TNFRSF1B: variants seen among roughly 807,000 people sequenced by gnomAD.
TNFRSF1B encodes the protein TNF receptor superfamily member 1B.
In TNFRSF1B, 19 loss-of-function variants were observed where a neutral mutation model predicts 44.6. The observed-to-expected ratio is 0.43, with a 90% confidence interval of 0.30 to 0.62. The LOEUF is 0.62. Ranked by LOEUF, TNFRSF1B falls within the 20% of genes least tolerant of loss-of-function variation. TNFRSF1B has a pLI of 0.16. For missense variants in TNFRSF1B, 541 were observed against 619.9 expected (o/e 0.87, Z 1.35); for synonymous variants, 252 against 261.1 (o/e 0.97, Z 0.34).
At position 12,183,492 on chromosome 1, in the gene TNFRSF1B, A is replaced by G. The variant is rs546259422; in HGVS notation, c.79-5304A>G. Among the ~76,000 whole-genome samples the G allele has an allele frequency of 8.0e-5, 12 of 150,738 alleles. No individual in the cohort carries two copies. In the East Asian group the frequency reaches 2.0e-3, roughly 25 times the overall value. ...TCTCTCTATGTATATATGTATAGCT[A>G]TCTATTGATATTTTCTATCATCCAT... is the stretch of plus-strand genomic sequence containing the variant. On this transcript the variant is annotated intron_variant, in intron 1 of 9. Transcript: ENST00000376259.
Position 12,191,052 on chromosome 1 carries a change from G to A in TNFRSF1B, c.274G>A (p.Glu92Lys). The A allele has an allele frequency of 1.2e-6, 2 of 1,614,178 alleles. No individual in the cohort carries two copies. The highest frequency in any genetic ancestry group is 2.2e-5 in the East Asian group (1 of 44,884). The change falls in exon 3 of 10, where the codon GAG (glutamate) becomes AAG (lysine). Residue 92 changes from glutamate to lysine, a missense_variant. Physicochemically the swap from Glu to Lys is moderately conservative, Grantham distance 56. Coordinates refer to ENST00000376259, the MANE Select transcript of TNFRSF1B (RefSeq NM_001066.3). The stretch of plus-strand genomic sequence containing the variant: ...CACCCAGCTCTGGAACTGGGTTCCC[G>A]AGTGCTTGAGCTGTGGCTCCCGCTG... ...TYTQLWNWVPECLSCGSRCSS... is the reference protein window; with the variant it reads ...TYTQLWNWVPKCLSCGSRCSS...
At chr1:12,175,149 C>G (rs1184347130) in intron 1 of TNFRSF1B, among the ~76,000 whole-genome samples, 1 of 152,170 alleles carries the variant, frequency 6.6e-6, no homozygotes, top group African/African-American at 2.4e-5. Flanking sequence ...AGCGGGAGGC[C>G]TTCTTGAAGG....
intron 1 of TNFRSF1B, among the ~76,000 whole-genome samples, chr1:12,167,922 T>C (rs1638432389): frequency 1.3e-5 from 2 of 152,170 alleles, no homozygotes; most frequent in African/African-American, 4.8e-5. Flanking sequence ...AATATGAACG[T>C]CACTCCCACA....
chr1:12,192,036 G>A, intron 4 of TNFRSF1B, 113 bp downstream of exon 4: 1 of 1,401,034 alleles, frequency 7.1e-7, no homozygotes, highest in East Asian at 2.4e-5. Flanking sequence ...AGCACTGTTA[G>A]TGGTGGCCAG....
intron 1 of TNFRSF1B, among the ~76,000 whole-genome samples, chr1:12,176,324 C>A (rs535763578): frequency 4.6e-5 from 7 of 152,194 alleles, no homozygotes; most frequent in South Asian, 4.1e-4. Flanking sequence ...ACAGTGACAG[C>A]AGCACACGAG....
chr1:12,195,376 G>C (rs1414519980), intron 8 of TNFRSF1B, among the ~76,000 whole-genome samples: 1 of 152,194 alleles, frequency 6.6e-6, no homozygotes, highest in African/African-American at 2.4e-5. Flanking sequence ...TGCTGGAATG[G>C]CCTCCACTAT....
chr1:12,194,982 G>T (rs1470475619), intron 8 of TNFRSF1B, among the ~76,000 whole-genome samples: 2 of 152,248 alleles, frequency 1.3e-5, no homozygotes, highest in African/African-American at 4.8e-5. Context: ...TCGGTCAGCT[G>T]ACAATGATGT....
chr1:12,197,192 C>A (rs1639285256), intron 8 of TNFRSF1B, among the ~76,000 whole-genome samples: 1 of 152,158 alleles, frequency 6.6e-6, no homozygotes, highest in Non-Finnish European at 1.5e-5. Flanking sequence ...AAGTGATCTG[C>A]CCACCTCGGT....
chr1:12,197,363 T>A (rs1159593485), intron 8 of TNFRSF1B, among the ~76,000 whole-genome samples: 2 of 152,178 alleles, frequency 1.3e-5, no homozygotes, highest in African/African-American at 4.8e-5. Context: ...TGATTTGTGG[T>A]GTTTGCTAAT....
intron 1 of TNFRSF1B, 23 bp downstream of exon 1, chr1:12,167,192 G>C (rs1466763750): frequency 4.0e-6 from 5 of 1,252,264 alleles, no homozygotes; most frequent in Non-Finnish European, 5.0e-6. Context: ...CGCGGCCCAC[G>C]GGGGACAGCC....
intron 1 of TNFRSF1B, among the ~76,000 whole-genome samples, chr1:12,176,611 C>G (rs1315364404): frequency 6.6e-6 from 1 of 152,162 alleles, no homozygotes; most frequent in African/African-American, 2.4e-5. Flanking sequence ...ATTCCAGTGT[C>G]CATGCTCTCA....
rs1390229262 is a variant in TNFRSF1B at position 12,199,282 on chromosome 1, G to C, written c.901-2685G>C. On this transcript the variant is annotated intron_variant, in intron 8 of 9. Coordinates refer to ENST00000376259, the MANE Select transcript of TNFRSF1B (RefSeq NM_001066.3). This position sits in a 1 kb window ranked among gnomAD's most constrained non-coding sequence, Gnocchi z 4.0. ...TTCCAGGCTCAGAGCAGGGCTGGGG[G>C]GCAGTTGTGGGCAGTGACCAGGGTC... 1.3e-5 allele frequency among the ~76,000 whole-genome samples: 2 copies of C among 152,242 alleles called. No individual in the cohort carries two copies. The highest frequency in any genetic ancestry group is 4.8e-5 in the African/African-American group (2 of 41,468).
At chr1:12,182,562 T>TTGAATGAA (rs17885226) in intron 1 of TNFRSF1B, among the ~76,000 whole-genome samples, 5 of 151,946 alleles carry the variant, frequency 3.3e-5, no homozygotes, top group Non-Finnish European at 7.4e-5. Context: ...AGCACGTCTG[T>TTGAATGAA]TGAATGAATG....
At position 12,188,896 on chromosome 1, in the gene TNFRSF1B, G is replaced by T; in HGVS notation, c.178+1G>T. ...ATGTGCTGCAGCAAATGCTCGCCGG[G>T]TGAGGGCAGCCACGGGGGCACTCGG... On this transcript the variant is annotated splice_donor_variant, in intron 2 of 9. Transcript: ENST00000376259. LOFTEE classifies it high-confidence loss of function. The T allele has an allele frequency of 6.2e-7, 1 of 1,612,830 alleles. No homozygotes were observed.
At chr1:12,183,474 A>G (rs532838666) in intron 1 of TNFRSF1B, among the ~76,000 whole-genome samples, 25 of 139,546 alleles carry the variant, frequency 1.8e-4, no homozygotes, top group Admixed American at 1.6e-3. Context: ...CTCTCTCTCT[A>G]TGTATATATG....
In TNFRSF1B at chr1:12,167,127, C is replaced by G; in HGVS notation, c.36C>G (p.Val12=). The G allele has an allele frequency of 7.4e-7, 1 of 1,353,224 alleles. No individual in the cohort carries two copies. The highest frequency in any genetic ancestry group is 1.7e-5 in the South Asian group (1 of 58,736). The allele number at this position is 1,353,224 out of a possible 1,614,324, so 83.8% of individuals were successfully genotyped here. Residue 12 remains valine, a synonymous_variant, in exon 1 of 10, where the codon GTC becomes GTG. Transcript: ENST00000376259. ...TCGCCGTCTGGGCCGCGCTGGCCGT[C>G]GGACTGGAGCTCTGGGCTGCGGCGC... is the stretch of plus-strand genomic sequence containing the variant. ...APVAVWAALA[V]GLELWAAAHA...
intron 1 of TNFRSF1B, among the ~76,000 whole-genome samples, chr1:12,183,785 C>T (rs116019938): frequency 0.084 from 10,976 of 129,946 alleles, 741 homozygotes; most frequent in Non-Finnish European, 0.12. Flanking sequence ...ATTCTATCTA[C>T]CTACCTATCT....
At position 12,176,060 on chromosome 1, in the gene TNFRSF1B, A is replaced by G. The variant is rs570883246; in HGVS notation, c.78+8891A>G. Among the ~76,000 whole-genome samples, 1,229 of 151,886 alleles carry G rather than the reference A, an allele frequency of 8.1e-3. 14 individuals carry two copies. The highest frequency in any genetic ancestry group is 0.028 in the African/African-American group (1,160 of 41,424). ...TGAAACCCTGTCTCTACTGAAAAAA[A>G]AAAAAAAAATTAGCCAGGCGTGGTG... On this transcript the variant is annotated intron_variant, in intron 1 of 9. Transcript: ENST00000376259.
Position 12,208,059 on chromosome 1 carries a change from A to G in TNFRSF1B, c.*1039A>G, listed in dbSNP as rs954327193. 2 of 152,416 alleles carry G rather than the reference A, an allele frequency of 1.3e-5. No homozygotes were observed. The highest frequency in any genetic ancestry group is 4.8e-5 in the African/African-American group (2 of 41,534). 9.4% of individuals were successfully genotyped at this position (152,416 alleles called of 1,614,324 possible). A position where few individuals can be genotyped will look rare whatever the true frequency, so the allele number is the denominator to read the frequency against. ...CGCACTTCTAACTAGAAATCTGCCA[A>G]TTTTTTAAAAAAGTAAGTACCACTC... On this transcript the variant is annotated 3_prime_UTR_variant, in exon 10 of 10. Coordinates refer to ENST00000376259, the MANE Select transcript of TNFRSF1B (RefSeq NM_001066.3).
Sources: gnomAD v4.1 joint callset for allele counts (sites outside exome capture counted in the v4.1 genomes callset) on GRCh38, gnomAD v4.1.1 for gene constraint, Gnocchi (gnomAD v3.1) non-coding constraint, MANE v1.5 for transcripts, NCBI Gene and HGNC (gene_info 2026-07-23, HGNC 2026-07-21) for gene names.